The following SGCZ variants were observed in gnomAD, a reference collection of about 807,000 sequenced individuals.
The protein encoded by SGCZ is sarcoglycan zeta, also known as zeta-sarcoglycan.
Under a neutral mutation model 41.3 loss-of-function variants are expected in SGCZ, and 40 were observed. That is an observed-to-expected ratio of 0.97 (90% CI 0.75 to 1.26). SGCZ has a LOEUF of 1.26. Ranked by LOEUF, SGCZ falls within the 50% of genes most tolerant of loss-of-function variation. The pLI is 0.00. For synonymous variants in SGCZ, 206 were observed against 137.5 expected (o/e 1.50, Z -3.49); for missense variants, 552 against 369.8 (o/e 1.49, Z -4.04).
At chr8:15,134,579 C>G (rs1234386119) in intron 1 of SGCZ, among the ~76,000 whole-genome samples, 6 of 152,070 alleles carry the variant, frequency 3.9e-5, no homozygotes, top group Non-Finnish European at 7.4e-5. Context: ...TAACTGATCA[C>G]AAACTTTGAA....
intron 2 of SGCZ, among the ~76,000 whole-genome samples, chr8:14,465,025 T>C (rs772183434): frequency 6.6e-5 from 10 of 151,840 alleles, no homozygotes; most frequent in Admixed American, 1.3e-4. Context: ...AAAAGCCCCA[T>C]GTACCCTTGA....
chr8:15,179,843 C>A (rs746768169), intron 1 of SGCZ, among the ~76,000 whole-genome samples: 3 of 152,052 alleles, frequency 2.0e-5, no homozygotes, highest in Non-Finnish European at 4.4e-5. Flanking sequence ...GTACTTTTCT[C>A]AAACAGAATA....
At chr8:14,469,549 A>T (rs1468742132) in intron 2 of SGCZ, among the ~76,000 whole-genome samples, 1 of 151,874 alleles carries the variant, frequency 6.6e-6, no homozygotes, top group Non-Finnish European at 1.5e-5. Context: ...CAACTCCTAA[A>T]ATCCTTGGAA....
intron 1 of SGCZ, among the ~76,000 whole-genome samples, chr8:14,679,218 A>G (rs1808366314): frequency 6.6e-6 from 1 of 152,150 alleles, no homozygotes. Context: ...ACTGGTTCAT[A>G]TATTTACTAT....
intron 2 of SGCZ, among the ~76,000 whole-genome samples, chr8:14,507,415 T>C (rs899110453): frequency 2.1e-5 from 3 of 142,180 alleles, no homozygotes; most frequent in East Asian, 4.3e-4. Context: ...GAAGTCTACC[T>C]GTAATTTATT....
At chr8:15,074,564 T>A (rs17120843) in intron 1 of SGCZ, among the ~76,000 whole-genome samples, 2,349 of 152,270 alleles carry the variant, frequency 0.015, 66 homozygotes, top group African/African-American at 0.054. Flanking sequence ...CTAAGCTCCA[T>A]AATACAGCAT....
chr8:15,209,869 G>A (rs1801185434), intron 1 of SGCZ, among the ~76,000 whole-genome samples: 1 of 152,114 alleles, frequency 6.6e-6, no homozygotes, highest in African/African-American at 2.4e-5. Flanking sequence ...AATCATGGGG[G>A]CTTCTCCAAC....
intron 1 of SGCZ, among the ~76,000 whole-genome samples, chr8:15,173,477 T>C (rs1003536001): frequency 3.9e-5 from 6 of 152,290 alleles, no homozygotes; most frequent in East Asian, 1.9e-4. Flanking sequence ...TCACTGAATG[T>C]AGAGAATTAT....
At chr8:14,813,447 T>C (rs918652296) in intron 1 of SGCZ, among the ~76,000 whole-genome samples, 22 of 152,290 alleles carry the variant, frequency 1.4e-4, no homozygotes, top group African/African-American at 5.3e-4. Context: ...AATGCAAATC[T>C]GATAAATTGT....
intron 3 of SGCZ, among the ~76,000 whole-genome samples, chr8:14,268,638 T>C (rs985452456): frequency 2.6e-5 from 4 of 151,910 alleles, no homozygotes; most frequent in East Asian, 1.9e-4. Context: ...GGCTTGCTTT[T>C]AATTATAACA....
intron 1 of SGCZ, among the ~76,000 whole-genome samples, chr8:14,599,856 G>T (rs1805531046): frequency 6.6e-6 from 1 of 151,764 alleles, no homozygotes; most frequent in African/African-American, 2.4e-5. Context: ...ACAAACAAAA[G>T]ACCCTTGACT....
intron 2 of SGCZ, among the ~76,000 whole-genome samples, chr8:14,496,341 T>C (rs751151461): frequency 1.3e-5 from 2 of 152,138 alleles, no homozygotes; most frequent in African/African-American, 2.4e-5. Flanking sequence ...AGCACTGGGA[T>C]TACAGGCATG....
intron 1 of SGCZ, among the ~76,000 whole-genome samples, chr8:14,971,555 A>G (rs1801297488): frequency 6.6e-6 from 1 of 151,748 alleles, no homozygotes; most frequent in Non-Finnish European, 1.5e-5. Context: ...TAATATACTA[A>G]ATTACGTAGA....
intron 1 of SGCZ, among the ~76,000 whole-genome samples, chr8:14,912,907 G>C (rs186964640): frequency 3.3e-5 from 5 of 152,056 alleles, no homozygotes; most frequent in African/African-American, 4.8e-5. Context: ...AAAAAGAAAA[G>C]ACTAACACTC....
At chr8:14,965,930 A>G (rs1801114098) in intron 1 of SGCZ, among the ~76,000 whole-genome samples, 1 of 152,070 alleles carries the variant, frequency 6.6e-6, no homozygotes, top group Non-Finnish European at 1.5e-5. Flanking sequence ...CGAAGAAGAA[A>G]CCAAAACTAA....
intron 1 of SGCZ, among the ~76,000 whole-genome samples, chr8:14,937,896 T>G (rs1302925644): frequency 6.6e-6 from 1 of 152,104 alleles, no homozygotes; most frequent in Non-Finnish European, 1.5e-5. Flanking sequence ...GATGAATGAA[T>G]AAGTAATATA....
At position 14,526,981 on chromosome 8, in the gene SGCZ, A is replaced by G. The variant is rs1227627697; in HGVS notation, c.234+27751T>C. Among the ~76,000 whole-genome samples, 3 of 152,232 alleles carry G rather than the reference A, an allele frequency of 2.0e-5. No homozygotes were observed. In the East Asian group the frequency reaches 5.8e-4, roughly 29 times the overall value. ...GACAACTGCCGACTTGTACCAATTA[A>G]TATTTTTAAATATTTAATATTGAGT... On this transcript the variant is annotated intron_variant, in intron 2 of 7. Transcript: ENST00000382080.
intron 3 of SGCZ, among the ~76,000 whole-genome samples, chr8:14,255,434 A>ATT (rs1799426478): frequency 6.6e-6 from 1 of 152,042 alleles, no homozygotes; most frequent in Non-Finnish European, 1.5e-5. Flanking sequence ...CTTTTAGCTT[A>ATT]CTGCTTCTAA....
intron 1 of SGCZ, among the ~76,000 whole-genome samples, chr8:15,037,399 C>T (rs978022320): frequency 6.6e-6 from 1 of 152,176 alleles, no homozygotes; most frequent in African/African-American, 2.4e-5. Flanking sequence ...GCCTCCCCAG[C>T]CCTGCAGAAC....
Sources: gnomAD v4.1 joint callset for allele counts (sites outside exome capture counted in the v4.1 genomes callset) on GRCh38, gnomAD v4.1.1 for gene constraint, MANE v1.5 for transcripts, NCBI Gene and HGNC (gene_info 2026-07-23, HGNC 2026-07-21) for gene names.